Variants in EFCAB13 observed in about 807,000 individuals in gnomAD.
EFCAB13 encodes the protein EF-hand calcium binding domain 13.
In EFCAB13, 91 loss-of-function variants were observed where a neutral mutation model predicts 110.2. The observed-to-expected ratio is 0.83, with a 90% CI of 0.70 to 0.98. The LOEUF (loss-of-function observed/expected upper bound fraction) is 0.98, where lower values mean the gene tolerates loss of function less well. EFCAB13 is among the 50% of genes least tolerant of loss of function. The pLI is 0.00. For synonymous variants in EFCAB13, 323 were observed against 369.9 expected, an observed-to-expected ratio of 0.87 and a Z score of 1.45; for missense variants, 968 against 1,119.4, an observed-to-expected ratio of 0.86 and a Z score of 1.93.
chr17:47,403,463 G>T (rs1388795110), intron 18 of EFCAB13, among the ~76,000 whole-genome samples: 1 of 152,120 alleles, frequency 6.6e-6, no homozygotes, highest in Non-Finnish European at 1.5e-5. Context: ...GGGTACAATT[G>T]GGTCCTGGTG....
intron 17 of EFCAB13, among the ~76,000 whole-genome samples, chr17:47,398,272 G>A (rs1297629686): frequency 4.8e-5 from 7 of 146,648 alleles, no homozygotes; most frequent in Admixed American, 1.4e-4. Flanking sequence ...CAGCCACCCC[G>A]CCCGGGAGGT....
intron 14 of EFCAB13, among the ~76,000 whole-genome samples, chr17:47,381,215 G>A (rs1299327548): frequency 6.6e-6 from 1 of 151,460 alleles, no homozygotes; most frequent in Non-Finnish European, 1.5e-5. Flanking sequence ...TTTTTTTCTT[G>A]TAAATTTGTT....
intron 12 of EFCAB13, among the ~76,000 whole-genome samples, chr17:47,375,670 T>A (rs887898900): frequency 2.6e-5 from 4 of 152,140 alleles, no homozygotes; most frequent in Non-Finnish European, 5.9e-5. Context: ...ATGCCCTCTT[T>A]AGGGAGGAGC....
In EFCAB13 at chr17:47,358,749, A is replaced by G. The variant is rs555549168; in HGVS notation, c.662-2629A>G. Among the ~76,000 whole-genome samples, 3 of 152,304 alleles carry G rather than the reference A, an allele frequency of 2.0e-5. No homozygotes were observed. The East Asian group carries it at 5.8e-4, about 29-fold the overall frequency. On this transcript the variant is annotated intron_variant, in intron 9 of 24. Coordinates refer to ENST00000331493, the MANE Select transcript of EFCAB13 (RefSeq NM_152347.5). ...GGCCTTTCTCACCTCAATAGTACAC[A>G]CATACATTTTCATCATGATTGTGGA...
chr17:47,389,804 A>C (rs1447827325), intron 14 of EFCAB13, among the ~76,000 whole-genome samples: 1 of 151,970 alleles, frequency 6.6e-6, no homozygotes, highest in Non-Finnish European at 1.5e-5. Flanking sequence ...GCTGCAAATG[A>C]TTTTCCATTT....
intron 23 of EFCAB13, among the ~76,000 whole-genome samples, chr17:47,425,129 G>T (rs904257204): frequency 2.6e-5 from 4 of 151,196 alleles, no homozygotes; most frequent in African/African-American, 9.7e-5. Flanking sequence ...TGATCCGCCC[G>T]CCTCGGCCTC....
chr17:47,422,819 A>G (rs1479308731), intron 23 of EFCAB13, among the ~76,000 whole-genome samples: 1 of 152,212 alleles, frequency 6.6e-6, no homozygotes, highest in Non-Finnish European at 1.5e-5. Context: ...AATTTGAGCT[A>G]TATATTCAAT....
chr17:47,440,368 C>T, intron 24 of EFCAB13, 63 bp from the exon 25 acceptor site: 1 of 1,426,970 alleles, frequency 7.0e-7, no homozygotes, highest in Non-Finnish European at 9.3e-7. Context: ...TTAGCTTCAG[C>T]TATATTATTT....
chr17:47,414,072 A>G (rs2143473193), intron 22 of EFCAB13, among the ~76,000 whole-genome samples: 1 of 152,228 alleles, frequency 6.6e-6, no homozygotes, highest in East Asian at 1.9e-4. Flanking sequence ...TCACACATCC[A>G]TGGAATGTTA....
chr17:47,398,118 G>A (rs904667181), intron 17 of EFCAB13, among the ~76,000 whole-genome samples: 2 of 143,954 alleles, frequency 1.4e-5, no homozygotes, highest in African/African-American at 5.2e-5. Context: ...AGGTGGGGGG[G>A]TCAGCCCCCC....
intron 24 of EFCAB13, chr17:47,430,842 G>A (rs905252402): frequency 6.6e-6 from 1 of 151,692 alleles, no homozygotes; most frequent in Admixed American, 6.6e-5. Context: ...TATCTTGATT[G>A]ACCCTTTTAA....
chr17:47,344,017 T>C, intron 6 of EFCAB13, 145 bp from the exon 7 acceptor site: 1 of 895,230 alleles, frequency 1.1e-6, no homozygotes, highest in Non-Finnish European at 1.6e-6. Flanking sequence ...TGTAATTTAA[T>C]TACAAAAGGC....
intron 14 of EFCAB13, among the ~76,000 whole-genome samples, chr17:47,390,914 G>GTCTGTCTGTCTATCTA (rs150041083): frequency 6.7e-6 from 1 of 150,150 alleles, no homozygotes; most frequent in Non-Finnish European, 1.5e-5. Flanking sequence ...GTGTCTGTCT[G>GTCTGTCTGTCTATCTA]TCTATCTATC....
rs199535751 is a variant in EFCAB13, at chr17:47,440,473, C to T, written c.2681C>T (p.Ser894Phe). The change falls in exon 25 of 25, where the codon TCC becomes TTC. Residue 894 changes from serine to phenylalanine, a missense_variant. Transcript: ENST00000331493. ...ATTCAAGAATTTATGACTAAATTAT[C>T]CGATATATTGACAATTCCTAAAGCT... Reference protein sequence around the residue: ...VSIQEFMTKLSDILTIPKAAG... With the variant: ...VSIQEFMTKLFDILTIPKAAG... The T allele has an allele frequency of 1.2e-6, 2 of 1,606,098 alleles. No homozygotes were observed.
intron 10 of EFCAB13, among the ~76,000 whole-genome samples, chr17:47,365,476 T>C (rs2065540856): frequency 6.6e-6 from 1 of 152,152 alleles, no homozygotes; most frequent in African/African-American, 2.4e-5. Context: ...AAAGATAAGA[T>C]AAAGTACTGT....
Position 47,393,215 on chromosome 17 carries a change from C to T in EFCAB13, c.1727-810C>T, listed in dbSNP as rs977609123. Among the ~76,000 whole-genome samples, 9 of 152,164 alleles carry T rather than the reference C, an allele frequency of 5.9e-5. 1 individual carries two copies. The highest frequency in any genetic ancestry group is 3.3e-4 in the Admixed American group (5 of 15,280). On this transcript the variant is annotated intron_variant, in intron 15 of 24. Coordinates refer to ENST00000331493, the MANE Select transcript of EFCAB13 (RefSeq NM_152347.5). ...ACAAGCCACCATGCCTGGCTCATGA[C>T]ATACATTTTTATATCCACTAAAATT...
In EFCAB13 at chr17:47,328,173, C is replaced by CA. The variant is rs758594809; in HGVS notation, c.-85-95dup. The CA allele has an allele frequency of 1.1e-4, 68 of 641,812 alleles. 1 individual carries two copies. Among genetic ancestry groups the CA allele is most frequent in the Non-Finnish European group, 1.5e-4 (55 of 356,032 alleles). The allele number at this position is 641,812 out of a possible 1,614,324, so 39.8% of individuals were successfully genotyped here. ...AAATGTTGTGTATCATACCCCAAGTCAGTGTTACATTGAAGAGATAACTTC... is the reference window on the plus strand; with the variant it reads ...AAATGTTGTGTATCATACCCCAAGTCAAGTGTTACATTGAAGAGATAACTTC... On this transcript the variant is annotated intron_variant, in intron 3 of 24. Coordinates refer to ENST00000331493, the MANE Select transcript of EFCAB13 (RefSeq NM_152347.5).
intron 23 of EFCAB13, among the ~76,000 whole-genome samples, chr17:47,417,436 A>G (rs1045736173): frequency 7.2e-5 from 11 of 152,208 alleles, no homozygotes; most frequent in African/African-American, 2.2e-4. Flanking sequence ...TGTCCATATC[A>G]TTGAAGGGTC....
At position 47,344,167 on chromosome 17, in the gene EFCAB13, C is replaced by T. The variant is rs267604922; in HGVS notation, c.309C>T (p.Ile103=). 6.2e-7 allele frequency: 1 copy of T among 1,612,386 alleles called. No homozygotes were observed. The highest frequency in any genetic ancestry group is 1.7e-5 in the Admixed American group (1 of 59,890). Residue 103 remains isoleucine, a synonymous_variant, in exon 7 of 25, where the codon ATC becomes ATT. Transcript: ENST00000331493. ...VQQHSKRTEI[I]PPFLKLSKEK... ...ATACTTGCATTTGGCTCTAGATTAT[C>T]CCTCCTTTTCTGAAGCTGTCAAAGG...
Sources: allele counts gnomAD v4.1 joint callset (sites outside exome capture counted in the v4.1 genomes callset), GRCh38; gene constraint gnomAD v4.1.1; transcripts MANE v1.5; gene names NCBI Gene and HGNC (gene_info 2026-07-23, HGNC 2026-07-21).